ZNF407: variants seen among roughly 807,000 people sequenced by gnomAD.
ZNF407 encodes zinc finger protein 407.
ZNF407 carries 17 observed loss-of-function variants against 131.2 expected under a neutral mutation model. That is an observed-to-expected ratio of 0.13 (90% CI 0.09 to 0.19). The LOEUF is 0.19. Ranked by LOEUF, ZNF407 falls within the 10% of genes least tolerant of loss-of-function variation. The probability of loss-of-function intolerance (pLI) is 1.00; values close to 1 mark genes in which losing one functional copy is unlikely to be tolerated. For missense variants in ZNF407, 2,681 were observed against 2,830.6 expected (o/e 0.95, Z 1.20); for synonymous variants, 1,156 against 1,062.0 (o/e 1.09, Z -1.72).
intron 3 of ZNF407, among the ~76,000 whole-genome samples, chr18:74,760,537 G>A (rs1439646364): frequency 1.3e-5 from 2 of 152,088 alleles, no homozygotes; most frequent in Admixed American, 6.6e-5. Flanking sequence ...CAGCTATGGT[G>A]GTAAACAGTT....
intron 3 of ZNF407, among the ~76,000 whole-genome samples, chr18:74,776,754 A>T (rs1055216999): frequency 1.3e-5 from 2 of 152,238 alleles, no homozygotes; most frequent in African/African-American, 4.8e-5. Flanking sequence ...GTCGATCAGA[A>T]GCCTTACCAA....
chr18:74,897,233 A>G (rs1262455787), intron 7 of ZNF407, among the ~76,000 whole-genome samples: 1 of 152,242 alleles, frequency 6.6e-6, no homozygotes, highest in Non-Finnish European at 1.5e-5. Flanking sequence ...TTGAAAACAA[A>G]TAGATTCCAT....
At chr18:74,662,518 C>T (rs986599563) in intron 3 of ZNF407, among the ~76,000 whole-genome samples, 8 of 152,080 alleles carry the variant, frequency 5.3e-5, no homozygotes, top group African/African-American at 1.9e-4. Context: ...TTTAGCTAGG[C>T]TGTATATTTA....
chr18:74,736,331 G>T (rs1968411062), intron 3 of ZNF407, among the ~76,000 whole-genome samples: 1 of 152,058 alleles, frequency 6.6e-6, no homozygotes, highest in South Asian at 2.1e-4. Flanking sequence ...TAATTATAAA[G>T]GGCTTTCTAC....
chr18:74,632,660 G>C lies in ZNF407; in HGVS notation c.1641G>C (p.Val547=). Residue 547 remains valine, a synonymous_variant, in exon 2 of 9, where the codon GTG becomes GTC. Transcript: ENST00000299687. ...ATAGGACAGATTTGGAAATCCATGT[G>C]AAAAGGTGCCATGCCAGAGAGATGA... ...ATNRTDLEIH[V]KRCHAREMKF... 1.2e-6 allele frequency: 2 copies of C among 1,614,030 alleles called. No individual in the cohort carries two copies. The highest frequency in any genetic ancestry group is 1.7e-6 in the Non-Finnish European group (2 of 1,179,886).
intron 4 of ZNF407, among the ~76,000 whole-genome samples, chr18:74,830,310 T>C (rs960032921): frequency 1.3e-5 from 2 of 152,202 alleles, no homozygotes; most frequent in Non-Finnish European, 2.9e-5. Context: ...TGAGACAAGG[T>C]CTTGCTCTGT....
chr18:74,989,095 TA>T (rs1215611756), intron 8 of ZNF407, among the ~76,000 whole-genome samples: 1 of 152,162 alleles, frequency 6.6e-6, no homozygotes, highest in Non-Finnish European at 1.5e-5. Flanking sequence ...AAAAGATAAG[TA>T]AATAAACAAG....
chr18:74,609,302 TG>T (rs1982949031), intron 1 of ZNF407, among the ~76,000 whole-genome samples: 1 of 152,182 alleles, frequency 6.6e-6, no homozygotes, highest in Non-Finnish European at 1.5e-5. Context: ...GTGATTTCAT[TG>T]TTGTGTGAAC....
At chr18:74,612,688 C>T (rs1983115612) in intron 1 of ZNF407, among the ~76,000 whole-genome samples, 1 of 152,150 alleles carries the variant, frequency 6.6e-6, no homozygotes, top group African/African-American at 2.4e-5. Flanking sequence ...GTTTATATGC[C>T]ATTAAATGAA....
chr18:74,798,687 T>G (rs1969966627), intron 4 of ZNF407, among the ~76,000 whole-genome samples: 1 of 152,162 alleles, frequency 6.6e-6, no homozygotes, highest in African/African-American at 2.4e-5. Flanking sequence ...CAAACTTTAG[T>G]GATAGGTTGA....
intron 8 of ZNF407, among the ~76,000 whole-genome samples, chr18:75,012,952 A>T (rs77790820): frequency 0.73 from 104,713 of 142,788 alleles, 37,805 homozygotes; most frequent in East Asian, 0.8. Flanking sequence ...TCCTTTTTTA[A>T]AAAAAAAAAA....
chr18:74,999,189 GGAC>G (rs1972812543), intron 8 of ZNF407, among the ~76,000 whole-genome samples: 1 of 80,574 alleles, frequency 1.2e-5, no homozygotes, highest in African/African-American at 4.9e-5. Context: ...CACACTCTGG[GGAC>G]TGTGGTGGGG....
chr18:75,031,281 A>G (rs1271418618), intron 8 of ZNF407, among the ~76,000 whole-genome samples: 1 of 152,220 alleles, frequency 6.6e-6, no homozygotes, highest in Non-Finnish European at 1.5e-5. Context: ...TGATAATGCA[A>G]TGAGGTAATA....
rs1331569511 is a variant in ZNF407, at chr18:74,643,942, A to G, written c.4802+2820A>G. Among the ~76,000 whole-genome samples, 7 of 151,932 alleles carry G rather than the reference A, an allele frequency of 4.6e-5. No individual in the cohort carries two copies. In the East Asian group the frequency reaches 5.8e-4, roughly 13 times the overall value. On this transcript the variant is annotated intron_variant, in intron 3 of 8. Coordinates refer to ENST00000299687, the MANE Select transcript of ZNF407 (RefSeq NM_017757.3). ...CCCACTGGCAAATCTTAACTACCGTATATCTTGGGTTTAAGTTAGTTTGAC... is the reference window on the plus strand; with the variant it reads ...CCCACTGGCAAATCTTAACTACCGTGTATCTTGGGTTTAAGTTAGTTTGAC...
intron 8 of ZNF407, among the ~76,000 whole-genome samples, chr18:75,039,955 G>C (rs1459620309): frequency 6.6e-6 from 1 of 152,002 alleles, no homozygotes; most frequent in Admixed American, 6.6e-5. Flanking sequence ...GTTGAATTTG[G>C]CTGGGTATGA....
At chr18:74,729,340 T>A (rs79483072) in intron 3 of ZNF407, among the ~76,000 whole-genome samples, 2,334 of 152,330 alleles carry the variant, frequency 0.015, 44 homozygotes, top group African/African-American at 0.053. Context: ...CCTAGGCAAC[T>A]TCTTCTTAGT....
At chr18:74,902,728 A>G (rs1971544639) in intron 7 of ZNF407, among the ~76,000 whole-genome samples, 1 of 152,172 alleles carries the variant, frequency 6.6e-6, no homozygotes. Flanking sequence ...GCATTTTTCG[A>G]TTAATACTCA....
chr18:74,744,511 A>G (rs1458352113), intron 3 of ZNF407, among the ~76,000 whole-genome samples: 1 of 152,188 alleles, frequency 6.6e-6, no homozygotes, highest in Non-Finnish European at 1.5e-5. Context: ...TAAAACTATT[A>G]TAGTTTAATT....
chr18:74,871,371 A>G (rs1971084590), intron 4 of ZNF407, among the ~76,000 whole-genome samples: 1 of 152,190 alleles, frequency 6.6e-6, no homozygotes, highest in African/African-American at 2.4e-5. Context: ...CTGCCTGTGA[A>G]TTGGAAGTCT....
Sources: allele counts gnomAD v4.1 joint callset (sites outside exome capture counted in the v4.1 genomes callset), GRCh38; gene constraint gnomAD v4.1.1; transcripts MANE v1.5; gene names NCBI Gene and HGNC (gene_info 2026-07-23, HGNC 2026-07-21).